The following FOLH1 variants were observed in gnomAD, a reference collection of about 807,000 sequenced individuals.
FOLH1 encodes the protein glutamate carboxypeptidase 2.
Under a neutral mutation model 93.9 loss-of-function variants are expected in FOLH1, and 54 were observed. The ratio of observed to expected loss-of-function variants is 0.57; its 90% CI spans 0.46 to 0.72. The LOEUF (loss-of-function observed/expected upper bound fraction) is 0.72. Among genes scored for constraint, FOLH1 ranks in the 30% least tolerant of loss-of-function variants. The pLI, the probability that FOLH1 is intolerant of heterozygous loss-of-function variation, is 0.00. For missense variants in FOLH1, 571 were observed against 892.5 expected (o/e 0.64, Z 4.59); for synonymous variants, 249 against 303.6 (o/e 0.82, Z 1.87).
At chr11:49,159,653 T>C (rs1590452519) in intron 13 of FOLH1, among the ~76,000 whole-genome samples, 1 of 152,320 alleles carries the variant, frequency 6.6e-6, no homozygotes, top group East Asian at 1.9e-4. Context: ...TAGAATTAGT[T>C]AGGGAGGAGT....
chr11:49,189,243 C>T (rs1316893202), intron 4 of FOLH1, among the ~76,000 whole-genome samples: 1 of 152,154 alleles, frequency 6.6e-6, no homozygotes. Context: ...TCATGCTTGC[C>T]TTTCGAAAGT....
In FOLH1 at chr11:49,194,405, T is replaced by A. The variant is rs55948961; in HGVS notation, c.412-1511A>T. On this transcript the variant is annotated intron_variant, in intron 3 of 18. Transcript: ENST00000256999. ...AGCCTTCAAATTAGCCTTAAAGAAT[T>A]CCCAAATTCTTATTACTATCATATT... Among the ~76,000 whole-genome samples the A allele has an allele frequency of 3.9e-5, 6 of 151,982 alleles. No individual in the cohort carries two copies. In the East Asian group the frequency reaches 1.2e-3, roughly 29 times the overall value.
chr11:49,186,829 A>C, intron 4 of FOLH1, 60 bp from the exon 5 acceptor site: 4 of 1,521,760 alleles, frequency 2.6e-6, no homozygotes, highest in Admixed American at 2.1e-5. Flanking sequence ...GTTTTTCTGC[A>C]TGGGGACTGT....
chr11:49,186,641 T>G lies in FOLH1; in HGVS notation c.639+3A>C. ...AGAAAAAAAGAGATAATTTTTACCT[T>G]ACCTTATTTCCTCTGAAAACTTTCC... On this transcript the variant is annotated splice_donor_region_variant and intron_variant, in intron 5 of 18. Transcript: ENST00000256999. The G allele has an allele frequency of 6.2e-7, 1 of 1,611,530 alleles. No homozygotes were observed. Among genetic ancestry groups the G allele is most frequent in the Non-Finnish European group, 8.5e-7 (1 of 1,178,832 alleles).
rs1863913188 is a variant in FOLH1, at chr11:49,206,175, G to A, written c.119-3C>T. The A allele has an allele frequency of 1.2e-6, 2 of 1,610,680 alleles. No homozygotes were observed. Among genetic ancestry groups the A allele is most frequent in the Admixed American group, 1.7e-5 (1 of 59,520 alleles). On this transcript the variant is annotated splice_region_variant and splice_polypyrimidine_tract_variant and intron_variant, in intron 1 of 18. Coordinates refer to ENST00000256999, the MANE Select transcript of FOLH1 (RefSeq NM_004476.3). Reference sequence around the variant, plus strand: ...ATTGGAGGATTTTATAAACCACCCTGAAAAATACATCCAAAAATAGGCATG... The same window carrying A: ...ATTGGAGGATTTTATAAACCACCCTAAAAAATACATCCAAAAATAGGCATG...
At position 49,175,843 on chromosome 11, in the gene FOLH1, A is replaced by C. The variant is rs35538688; in HGVS notation, c.1019+16T>G. 6.3e-7 allele frequency: 1 copy of C among 1,596,730 alleles called. No homozygotes were observed. Among genetic ancestry groups the C allele is most frequent in the East Asian group, 2.2e-5 (1 of 44,742 alleles). On this transcript the variant is annotated intron_variant, in intron 8 of 18. Coordinates refer to ENST00000256999, the MANE Select transcript of FOLH1 (RefSeq NM_004476.3). Reference sequence around the variant, plus strand: ...TCTCCCCCTTAAAAGAGTTAAAATTAAAATAGTCTCTTAACTGTGTAGAAA... The same window carrying C: ...TCTCCCCCTTAAAAGAGTTAAAATTCAAATAGTCTCTTAACTGTGTAGAAA...
At chr11:49,195,640 T>C (rs1862536054) in intron 3 of FOLH1, among the ~76,000 whole-genome samples, 1 of 151,820 alleles carries the variant, frequency 6.6e-6, no homozygotes, top group African/African-American at 2.4e-5. Context: ...TTGGATACAC[T>C]AGTAAATTTG....
Position 49,146,127 on chromosome 11 carries a change from G to A in FOLH1, c.*629C>T, listed in dbSNP as rs896107068. ...AAAAGCATAACTGTCATTAGTACAT[G>A]GGGCATCCAAAGATATTAGAAATGT... On this transcript the variant is annotated 3_prime_UTR_variant, in exon 19 of 19. Transcript: ENST00000256999. 6.6e-6 allele frequency among the ~76,000 whole-genome samples: 1 copy of A among 152,140 alleles called. No individual in the cohort carries two copies. Among genetic ancestry groups the A allele is most frequent in the Non-Finnish European group, 1.5e-5 (1 of 68,022 alleles).
intron 7 of FOLH1, among the ~76,000 whole-genome samples, chr11:49,176,166 C>T (rs1395117667): frequency 1.3e-5 from 2 of 152,228 alleles, no homozygotes; most frequent in East Asian, 3.9e-4. Flanking sequence ...GCTTAGATAA[C>T]ATGCCCAAAG....
At position 49,183,578 on chromosome 11, in the gene FOLH1, A is replaced by G. The variant is rs1023155801; in HGVS notation, c.827-336T>C. On this transcript the variant is annotated intron_variant, in intron 6 of 18. Coordinates refer to ENST00000256999, the MANE Select transcript of FOLH1 (RefSeq NM_004476.3). ...AGACGTGTACAAAATTGTTCATAACAGCCACATTTATATTAGCCAAATATT... is the reference window on the plus strand; with the variant it reads ...AGACGTGTACAAAATTGTTCATAACGGCCACATTTATATTAGCCAAATATT... Among the ~76,000 whole-genome samples, 5 of 152,322 alleles carry G rather than the reference A, an allele frequency of 3.3e-5. No individual in the cohort carries two copies. The East Asian group carries it at 7.7e-4, about 23-fold the overall frequency.
rs1268352486 is a variant in FOLH1, at chr11:49,173,318, A to T, written c.1225+39T>A. ...TTTACAGAAGACTAAACTGAGACTC[A>T]GATAGGCTGTTTTTTTTCTTGCTGT... is the stretch of plus-strand genomic sequence containing the variant. On this transcript the variant is annotated intron_variant, in intron 10 of 18. Coordinates refer to ENST00000256999, the MANE Select transcript of FOLH1 (RefSeq NM_004476.3). 5 of 1,591,262 alleles carry T rather than the reference A, an allele frequency of 3.1e-6. No homozygotes were observed. In the African/African-American group the frequency reaches 6.7e-5, roughly 21 times the overall value.
chr11:49,207,979 A>AAAACAAAACAAAAGC (rs1491109801), intron 1 of FOLH1: 5 of 534,680 alleles, frequency 9.4e-6, no homozygotes, highest in African/African-American at 8.0e-5. Flanking sequence ...AAACAAAAGC[A>AAAACAAAACAAAAGC]AAAAAAAAAC....
At chr11:49,181,186 C>A (rs1738123356) in intron 7 of FOLH1, among the ~76,000 whole-genome samples, 1 of 150,944 alleles carries the variant, frequency 6.6e-6, no homozygotes, top group Admixed American at 6.6e-5. Context: ...CGGCTCACTG[C>A]AACCTCTGCC....
chr11:49,158,070 A>G (rs932691286), intron 13 of FOLH1, 27 bp from the exon 14 acceptor site: 2 of 1,520,272 alleles, frequency 1.3e-6, no homozygotes, highest in Non-Finnish European at 1.8e-6. Flanking sequence ...AAAAAAAGAG[A>G]ATACTTACAA....
At chr11:49,150,170 A>C (rs1856330738) in intron 17 of FOLH1, among the ~76,000 whole-genome samples, 1 of 152,330 alleles carries the variant, frequency 6.6e-6, no homozygotes, top group Admixed American at 6.5e-5. Flanking sequence ...GGCTCACTGT[A>C]TTAATTGAAA....
At chr11:49,172,680 C>A (rs1385053547) in intron 10 of FOLH1, among the ~76,000 whole-genome samples, 17 of 152,026 alleles carry the variant, frequency 1.1e-4, no homozygotes, top group Admixed American at 1.1e-3. Flanking sequence ...ATTTTACAGC[C>A]CCAGACACCT....
chr11:49,186,399 A>C (rs1861387334), intron 5 of FOLH1, among the ~76,000 whole-genome samples: 1 of 152,214 alleles, frequency 6.6e-6, no homozygotes, highest in African/African-American at 2.4e-5. Flanking sequence ...CCACAGCCAT[A>C]ACCTGTAAGC....
At chr11:49,172,627 C>A (rs898591020) in intron 10 of FOLH1, among the ~76,000 whole-genome samples, 7 of 152,074 alleles carry the variant, frequency 4.6e-5, no homozygotes, top group African/African-American at 1.2e-4. Context: ...ATGCAAACAA[C>A]ATACATTATT....
intron 4 of FOLH1, among the ~76,000 whole-genome samples, chr11:49,188,205 A>G (rs1861630610): frequency 6.6e-6 from 1 of 152,156 alleles, no homozygotes; most frequent in Admixed American, 6.5e-5. Flanking sequence ...GTGTTAAGAA[A>G]CAGCTTCAAG....
Sources: gnomAD v4.1 joint callset for allele counts (sites outside exome capture counted in the v4.1 genomes callset) on GRCh38, gnomAD v4.1.1 for gene constraint, MANE v1.5 for transcripts, NCBI Gene and HGNC (gene_info 2026-07-23, HGNC 2026-07-21) for gene names.